CIROZ: variants seen among roughly 807,000 people sequenced by gnomAD.
The protein encoded by CIROZ is ciliated left-right organizer protein containing ZP-N domains.
At chr1:10,947,684 A>G in the CIROZ span, 1 of 1,511,146 alleles carries the variant, frequency 6.6e-7, no homozygotes, top group East Asian at 2.3e-5. Context: ...GCCTCTCAGA[A>G]AGCCCCTCCA....
chr1:10,949,814 C>T, the CIROZ span: 3 of 1,547,004 alleles, frequency 1.9e-6, no homozygotes, highest in East Asian at 2.4e-5. Flanking sequence ...TGTTCCTGAA[C>T]CTTCCAGAGA....
chr1:10,947,852 C>T, the CIROZ span: 1 of 1,606,500 alleles, frequency 6.2e-7, no homozygotes, highest in Non-Finnish European at 8.5e-7. Flanking sequence ...CCCACAGGCT[C>T]AGGGTTTGCG....
At chr1:10,969,900 C>T in the CIROZ span, 4 of 1,455,704 alleles carry the variant, frequency 2.7e-6, no homozygotes, top group South Asian at 1.4e-5. Flanking sequence ...GGGGGAGGAG[C>T]ATTGCAGGCA....
chr1:10,955,533 A>G, the CIROZ span, among the ~76,000 whole-genome samples: 2 of 152,026 alleles, frequency 1.3e-5, no homozygotes, highest in African/African-American at 4.8e-5. Flanking sequence ...TCCATTTCCA[A>G]AGCAACTCTT....
chr1:10,969,777 C>T, the CIROZ span, among the ~76,000 whole-genome samples: 2 of 149,154 alleles, frequency 1.3e-5, no homozygotes, highest in South Asian at 2.1e-4. Flanking sequence ...TGAGGAGTGC[C>T]GGGATTGTGA....
the CIROZ span, among the ~76,000 whole-genome samples, chr1:10,966,710 C>G: frequency 2.0e-5 from 3 of 152,190 alleles, no homozygotes; most frequent in South Asian, 2.1e-4. Context: ...CATCTCCCCA[C>G]GTGAATCCTC....
the CIROZ span, chr1:10,958,868 G>C: frequency 9.9e-7 from 1 of 1,014,672 alleles, no homozygotes; most frequent in Non-Finnish European, 1.5e-6. Context: ...CGGTGAGAGA[G>C]CTGTGCCGCA....
chr1:10,963,973 T>C, the CIROZ span, among the ~76,000 whole-genome samples: 1 of 152,080 alleles, frequency 6.6e-6, no homozygotes, highest in Non-Finnish European at 1.5e-5. Context: ...CAGGGATGTC[T>C]AGGAGAACAA....
chr1:10,952,255 G>C, the CIROZ span, among the ~76,000 whole-genome samples: 1 of 152,186 alleles, frequency 6.6e-6, no homozygotes, highest in Admixed American at 6.5e-5. Context: ...GGGAACCAGG[G>C]AGGGGAGAGA....
chr1:10,973,453 C>T, the CIROZ span, among the ~76,000 whole-genome samples: 7 of 152,150 alleles, frequency 4.6e-5, no homozygotes, highest in Non-Finnish European at 1.0e-4. Flanking sequence ...TGCAACTGAC[C>T]TCCAGTAAAC....
chr1:10,975,706 C>G, the CIROZ span, among the ~76,000 whole-genome samples: 1 of 152,020 alleles, frequency 6.6e-6, no homozygotes, highest in African/African-American at 2.4e-5. Flanking sequence ...CATCTGTTTG[C>G]GGGGTGGCTA....
the CIROZ span, among the ~76,000 whole-genome samples, chr1:10,980,042 C>A: frequency 6.6e-6 from 1 of 151,990 alleles, no homozygotes; most frequent in African/African-American, 2.4e-5. Flanking sequence ...AGCAAAACTC[C>A]GTCTCAAAAA....
At chr1:10,951,745 A>T in the CIROZ span, among the ~76,000 whole-genome samples, 29,139 of 118,622 alleles carry the variant, frequency 0.25, 3,716 homozygotes, top group Non-Finnish European at 0.27. Context: ...AAAAAAAAAA[A>T]ATATATATAT....
At chr1:10,966,822 T>C in the CIROZ span, among the ~76,000 whole-genome samples, 7 of 152,152 alleles carry the variant, frequency 4.6e-5, no homozygotes, top group African/African-American at 1.7e-4. Context: ...CTGTTCAAAA[T>C]GTAGGCAGAT....
chr1:10,970,843 A>G, the CIROZ span, among the ~76,000 whole-genome samples: 778 of 150,818 alleles, frequency 5.2e-3, 5 homozygotes, highest in African/African-American at 0.018. Context: ...AGGTGACTTC[A>G]TGGTACATAT....
chr1:10,951,106 C>T, the CIROZ span, among the ~76,000 whole-genome samples: 4 of 152,114 alleles, frequency 2.6e-5, no homozygotes, highest in African/African-American at 4.8e-5. Flanking sequence ...CGTCCCACCC[C>T]GAGAGGCATT....
the CIROZ span, chr1:10,964,390 G>A: frequency 1.5e-5 from 18 of 1,233,932 alleles, no homozygotes; most frequent in African/African-American, 2.6e-4. Flanking sequence ...CCTAGAAGGT[G>A]GGCTTGTGGA....
At chr1:10,951,745 A>AAAAAAAAATAT in the CIROZ span, among the ~76,000 whole-genome samples, 4 of 119,182 alleles carry the variant, frequency 3.4e-5, no homozygotes, top group South Asian at 2.6e-4. Context: ...AAAAAAAAAA[A>AAAAAAAAATAT]ATATATATAT....
the CIROZ span, chr1:10,947,953 G>T: frequency 6.2e-7 from 1 of 1,613,744 alleles, no homozygotes; most frequent in Non-Finnish European, 8.5e-7. Context: ...GCCTGGTCTG[G>T]CCCTCCCACA....
Sources: gnomAD v4.1 joint callset for allele counts (sites outside exome capture counted in the v4.1 genomes callset) on GRCh38, gnomAD v4.1.1 for gene constraint, MANE v1.5 for transcripts, NCBI Gene and HGNC (gene_info 2026-07-23, HGNC 2026-07-21) for gene names.